Variants in CALB2 observed in about 807,000 individuals in gnomAD.
CALB2 encodes calretinin.
In CALB2, 34 loss-of-function variants were observed where a neutral mutation model predicts 45.9. The observed-to-expected ratio is 0.74, with a 90% CI of 0.56 to 0.99. The LOEUF is 0.99. Ranked by LOEUF, CALB2 falls within the 50% of genes least tolerant of loss-of-function variation. CALB2 has a pLI of 0.00. For synonymous variants in CALB2, 142 were observed against 129.6 expected, an observed-to-expected ratio of 1.10 and a Z score of -0.65; for missense variants, 344 against 339.3, an observed-to-expected ratio of 1.01 and a Z score of -0.11.
intron 1 of CALB2, among the ~76,000 whole-genome samples, chr16:71,364,327 A>C (rs1169035707): frequency 6.6e-6 from 1 of 152,100 alleles, no homozygotes; most frequent in African/African-American, 2.4e-5. Flanking sequence ...CTCAGCTTGT[A>C]TATTCCCCTC....
intron 1 of CALB2, among the ~76,000 whole-genome samples, chr16:71,362,536 G>A (rs893148061): frequency 6.6e-6 from 1 of 152,194 alleles, no homozygotes; most frequent in African/African-American, 2.4e-5. Flanking sequence ...GGGTGGAGGG[G>A]AGAATGTGCT....
intron 1 of CALB2, among the ~76,000 whole-genome samples, chr16:71,370,361 TC>T (rs1340408555): frequency 6.6e-6 from 1 of 152,200 alleles, no homozygotes; most frequent in Non-Finnish European, 1.5e-5. Context: ...CCACCTCCCT[TC>T]CCATTCGAGT....
At chr16:71,360,838 G>A (rs79040460) in intron 1 of CALB2, among the ~76,000 whole-genome samples, 4,877 of 152,270 alleles carry the variant, frequency 0.032, 261 homozygotes, top group African/African-American at 0.11. Flanking sequence ...CGAGGTCATG[G>A]AGCAAGTTAC....
At chr16:71,371,558 G>C (rs949837646) in intron 1 of CALB2, among the ~76,000 whole-genome samples, 1 of 152,070 alleles carries the variant, frequency 6.6e-6, no homozygotes, top group African/African-American at 2.4e-5. Flanking sequence ...AGCGTTCCTT[G>C]GCTTGTACAC....
In CALB2 at chr16:71,377,840, C is replaced by T. The variant is rs1179267313; in HGVS notation, c.342+93C>T. 10 of 864,598 alleles carry T rather than the reference C, an allele frequency of 1.2e-5. No homozygotes were observed. In the East Asian group the frequency reaches 1.8e-4, roughly 15 times the overall value. 53.6% of individuals were successfully genotyped at this position (864,598 alleles called of 1,614,324 possible). On this transcript the variant is annotated intron_variant, in intron 4 of 10. Coordinates refer to ENST00000302628, the MANE Select transcript of CALB2 (RefSeq NM_001740.5). ...CCCACCCTCCTGCCTGGTAATGGTC[C>T]CTGGGAGATGCTAAACCCCTTAGAG...
intron 1 of CALB2, among the ~76,000 whole-genome samples, chr16:71,361,049 T>C (rs2042233734): frequency 6.6e-6 from 1 of 152,136 alleles, no homozygotes; most frequent in African/African-American, 2.4e-5. Flanking sequence ...GGCTAGAGTG[T>C]AGTTAAGCTA....
At position 71,382,725 on chromosome 16, in the gene CALB2, C is replaced by T. The variant is rs747892011; in HGVS notation, c.349C>T (p.Arg117Trp). Residue 117 changes from arginine (R) to tryptophan (W), a missense_variant, in exon 5 of 11, where the codon CGG becomes TGG. Transcript: ENST00000302628. ...GSSAEFMEAW[R>W]KYDTDRSGYI... ...GACATTCCTGTTGTTGCAGGCTTGGCGGAAGTACGACACAGACAGGAGTGG... is the reference window on the plus strand; with the variant it reads ...GACATTCCTGTTGTTGCAGGCTTGGTGGAAGTACGACACAGACAGGAGTGG... 2.7e-5 allele frequency: 44 copies of T among 1,610,792 alleles called. No homozygotes were observed. The highest frequency in any genetic ancestry group is 4.4e-5 in the South Asian group (4 of 90,484).
At chr16:71,387,280 G>A (rs182013220) in intron 10 of CALB2, among the ~76,000 whole-genome samples, 16 of 152,298 alleles carry the variant, frequency 1.1e-4, no homozygotes, top group Non-Finnish European at 1.3e-4. Flanking sequence ...AGATTCTGCT[G>A]TTGGGATTCA....
chr16:71,359,005 G>T lies in CALB2; in HGVS notation c.94+119G>T, dbSNP rs2042212311. 5 of 814,094 alleles carry T rather than the reference G, an allele frequency of 6.1e-6. No homozygotes were observed. In the South Asian group the frequency reaches 8.4e-5, roughly 14 times the overall value. The allele number at this position is 814,094 out of a possible 1,614,324, so 50.4% of individuals were successfully genotyped here. On this transcript the variant is annotated intron_variant, in intron 1 of 10. Transcript: ENST00000302628. ...TTTGCCCTCAGGAGGTGGTCTGGTC[G>T]CAGAGCCTGCTGGGGTAGTGGTCCC...
Position 71,358,760 on chromosome 16 carries a change from G to T in CALB2, c.-33G>T, listed in dbSNP as rs773731138. 6.4e-7 allele frequency: 1 copy of T among 1,550,662 alleles called. No individual in the cohort carries two copies. ...AGAGCCCAGCCGGCGCGGAGCGGGA[G>T]CGGTGCAGGCTGAGGTCTCCGAGCG... On this transcript the variant is annotated 5_prime_UTR_variant, in exon 1 of 11. Coordinates refer to ENST00000302628, the MANE Select transcript of CALB2 (RefSeq NM_001740.5).
intron 1 of CALB2, among the ~76,000 whole-genome samples, 180 bp from the exon 2 acceptor site, chr16:71,371,973 C>G (rs546543225): frequency 6.6e-6 from 1 of 152,292 alleles, no homozygotes; most frequent in African/African-American, 2.4e-5. Context: ...TGTTGTTCAT[C>G]TTGGATCTCT....
At chr16:71,384,219 T>G in intron 7 of CALB2, 120 bp from the exon 8 acceptor site, 1 of 1,006,662 alleles carries the variant, frequency 9.9e-7, no homozygotes, top group Non-Finnish European at 1.6e-6. Flanking sequence ...CACTGATTCA[T>G]TATGTGTGAA....
intron 4 of CALB2, among the ~76,000 whole-genome samples, chr16:71,379,711 C>T (rs918452682): frequency 7.9e-5 from 12 of 152,198 alleles, no homozygotes; most frequent in Admixed American, 5.9e-4. Flanking sequence ...AATCCCCTCT[C>T]TGTGATCCAC....
intron 9 of CALB2, chr16:71,385,326 A>T: frequency 2.2e-6 from 1 of 455,798 alleles, no homozygotes; most frequent in Non-Finnish European, 3.9e-6. Context: ...TGCTTCTTGA[A>T]TCTCACTTAA....
chr16:71,376,443 G>A (rs1451202645), intron 3 of CALB2, among the ~76,000 whole-genome samples: 3 of 152,154 alleles, frequency 2.0e-5, no homozygotes, highest in South Asian at 2.1e-4. Flanking sequence ...CTAGCAAGAT[G>A]GCTGCCACAG....
rs983312083 is a variant in CALB2, at chr16:71,382,661, G to A, written c.343-58G>A. The A allele has an allele frequency of 5.1e-6, 8 of 1,559,948 alleles. No individual in the cohort carries two copies. The Admixed American group carries it at 5.2e-5, about 10-fold the overall frequency. ...GTGGCCCATTAAAGGGGAATGGAAG[G>A]GAGGTGGGTAGATTTTGATACGTCT... On this transcript the variant is annotated intron_variant, in intron 4 of 10. Transcript: ENST00000302628.
At chr16:71,362,357 G>C (rs1021165971) in intron 1 of CALB2, among the ~76,000 whole-genome samples, 10 of 152,180 alleles carry the variant, frequency 6.6e-5, no homozygotes, top group African/African-American at 2.4e-4. Flanking sequence ...AGAATGTAAA[G>C]ATAAGATGAG....
intron 3 of CALB2, among the ~76,000 whole-genome samples, chr16:71,375,531 C>G (rs1012712609): frequency 7.2e-5 from 11 of 152,098 alleles, no homozygotes; most frequent in South Asian, 2.1e-4. Flanking sequence ...TAACAAAACC[C>G]CATCTTTACA....
At chr16:71,378,783 C>A (rs2042447913) in intron 4 of CALB2, among the ~76,000 whole-genome samples, 1 of 152,058 alleles carries the variant, frequency 6.6e-6, no homozygotes, top group African/African-American at 2.4e-5. Context: ...GAAAACCGTG[C>A]CACTCAGTTT....
Sources: gnomAD v4.1 joint callset for allele counts (sites outside exome capture counted in the v4.1 genomes callset) on GRCh38, gnomAD v4.1.1 for gene constraint, MANE v1.5 for transcripts, NCBI Gene and HGNC (gene_info 2026-07-23, HGNC 2026-07-21) for gene names.